Variants in SLC38A6 observed in about 807,000 individuals in gnomAD.
The protein encoded by SLC38A6 is solute carrier family 38 member 6.
Under a neutral mutation model 65.0 loss-of-function variants are expected in SLC38A6, and 73 were observed. The observed-to-expected ratio is 1.12, with a 90% CI of 0.93 to 1.37. SLC38A6 has a LOEUF of 1.37. Among genes scored for constraint, SLC38A6 ranks in the 40% most tolerant of loss-of-function variants. The probability of loss-of-function intolerance (pLI) is 0.00; values close to 1 mark genes in which losing one functional copy is unlikely to be tolerated. For missense variants in SLC38A6, 561 were observed against 531.1 expected (o/e 1.06, Z -0.55); for synonymous variants, 183 against 178.8 (o/e 1.02, Z -0.19).
intron 3 of SLC38A6, among the ~76,000 whole-genome samples, chr14:61,009,788 A>G (rs1292265725): frequency 2.6e-5 from 4 of 152,142 alleles, no homozygotes; most frequent in Non-Finnish European, 5.9e-5. Context: ...TCATTGTTGG[A>G]CATTTAGGTT....
intron 3 of SLC38A6, chr14:60,987,055 A>G (rs769061855): frequency 1.7e-5 from 7 of 419,592 alleles, no homozygotes; most frequent in South Asian, 5.1e-5. Context: ...TCTGTAGCCT[A>G]CTTGGGCCCA....
chr14:60,984,966 A>G (rs912637593), intron 3 of SLC38A6, among the ~76,000 whole-genome samples, 163 bp downstream of exon 3: 16 of 152,172 alleles, frequency 1.1e-4, no homozygotes, highest in African/African-American at 3.6e-4. Flanking sequence ...TACAGACCCA[A>G]TACTGTGGGG....
In SLC38A6 at chr14:61,071,517, A is replaced by G. The variant is rs555845017; in HGVS notation, c.1291-7293A>G. On this transcript the variant is annotated intron_variant, in intron 15 of 16. Coordinates refer to the SLC38A6 transcript ENST00000354886. ...GGCAACATGGCAAATCCCTCTCTCT[A>G]CAAAAAATACAAAAATTAGCCAGGT... 2.0e-5 allele frequency among the ~76,000 whole-genome samples: 3 copies of G among 152,094 alleles called. No individual in the cohort carries two copies. The South Asian group carries it at 6.2e-4, about 32-fold the overall frequency.
At chr14:61,079,801 T>C (rs2140001342) in intron 16 of SLC38A6, among the ~76,000 whole-genome samples, 1 of 152,294 alleles carries the variant, frequency 6.6e-6, no homozygotes, top group Middle Eastern at 3.4e-3. Flanking sequence ...GCAGTATACT[T>C]GGTGAGTGTT....
chr14:61,008,330 A>G (rs1041409386), intron 3 of SLC38A6, among the ~76,000 whole-genome samples: 1 of 152,108 alleles, frequency 6.6e-6, no homozygotes, highest in African/African-American at 2.4e-5. Context: ...AATGATAGGT[A>G]AAGACTGTAT....
At chr14:61,036,951 G>C in intron 6 of SLC38A6, 108 bp from the exon 7 acceptor site, 1 of 592,458 alleles carries the variant, frequency 1.7e-6, no homozygotes, top group Non-Finnish European at 3.0e-6. Context: ...GGTTGTAATG[G>C]TTATAACTCT....
rs2042519167 is a variant in SLC38A6 at position 61,051,781 on chromosome 14, A to T, written c.1051-6A>T. The T allele has an allele frequency of 6.2e-7, 1 of 1,610,740 alleles. No homozygotes were observed. The highest frequency in any genetic ancestry group is 1.1e-5 in the South Asian group (1 of 90,690). On this transcript the variant is annotated splice_region_variant and splice_polypyrimidine_tract_variant and intron_variant, in intron 13 of 15. Transcript: ENST00000267488. ...TTCGCTATATGTTTATTTTTCTGTA[A>T]TACAGGCCAGAAAAGCTGTAACAAT...
chr14:61,066,841 G>A (rs1250893579), intron 15 of SLC38A6, among the ~76,000 whole-genome samples: 1 of 152,120 alleles, frequency 6.6e-6, no homozygotes, highest in Non-Finnish European at 1.5e-5. Flanking sequence ...AGTCAACTGT[G>A]TATATATTTT....
intron 3 of SLC38A6, among the ~76,000 whole-genome samples, chr14:61,014,574 C>T (rs1211336584): frequency 6.6e-6 from 1 of 152,068 alleles, no homozygotes; most frequent in East Asian, 1.9e-4. Context: ...TGTGGATGTC[C>T]TTTCTGTTTG....
At chr14:61,021,061 G>C (rs1263124007) in intron 5 of SLC38A6, among the ~76,000 whole-genome samples, 1 of 151,992 alleles carries the variant, frequency 6.6e-6, no homozygotes, top group Non-Finnish European at 1.5e-5. Flanking sequence ...CTATACTGTA[G>C]CACTTGGCTG....
intron 15 of SLC38A6, among the ~76,000 whole-genome samples, chr14:61,067,308 C>T (rs971485998): frequency 6.6e-6 from 1 of 152,076 alleles, no homozygotes; most frequent in South Asian, 2.1e-4. Context: ...TCGAGTAAGC[C>T]GTTAAGCATT....
rs3215858 is a variant in SLC38A6 at position 61,042,552 on chromosome 14, G to GT, written c.625-587dup. On this transcript the variant is annotated intron_variant, in intron 8 of 15. Transcript: ENST00000267488. ...AGCATCCCTCTGGATTTCTTTTAAT[G>GT]TTTTTTTTGTTTGTTTGTTTGTTTT... Among the ~76,000 whole-genome samples the GT allele has an allele frequency of 8.9e-3, 1,349 of 151,942 alleles. 15 individuals carry two copies. Among genetic ancestry groups the GT allele is most frequent in the African/African-American group, 0.027 (1,099 of 41,454 alleles).
At chr14:61,004,718 C>G (rs192009430) in intron 3 of SLC38A6, 1 of 152,232 alleles carries the variant, frequency 6.6e-6, no homozygotes, top group Non-Finnish European at 1.5e-5. Context: ...CAAAAAGAAT[C>G]CAGGACCAGA....
At position 61,083,509 on chromosome 14, in the gene SLC38A6, G is replaced by A. The variant is rs141868022; in HGVS notation, c.1409-46G>A. ...AAAGAAGTAATTAAATTAAAATGAGGCCATTAAGCCCTAATTCAATGTGAC... is the reference window on the plus strand; with the variant it reads ...AAAGAAGTAATTAAATTAAAATGAGACCATTAAGCCCTAATTCAATGTGAC... On this transcript the variant is annotated intron_variant, in intron 16 of 16. Coordinates refer to the SLC38A6 transcript ENST00000354886. The A allele has an allele frequency of 3.0e-4, 458 of 1,525,086 alleles. 5 individuals carry two copies. The Admixed American group carries it at 5.0e-3, about 17-fold the overall frequency. The allele number at this position is 1,525,086 out of a possible 1,614,324, so 94.5% of individuals were successfully genotyped here.
At chr14:61,036,965 T>C in intron 6 of SLC38A6, 94 bp from the exon 7 acceptor site, 1 of 583,984 alleles carries the variant, frequency 1.7e-6, no homozygotes, top group South Asian at 2.0e-5. Flanking sequence ...TAACTCTGTG[T>C]GTGTGTGTGT....
chr14:60,984,734 TTGC>T lies in SLC38A6; in HGVS notation c.247_249del (p.Leu83del). 6.2e-7 allele frequency: 1 copy of T among 1,614,024 alleles called. No homozygotes were observed. The highest frequency in any genetic ancestry group is 1.1e-5 in the South Asian group (1 of 91,078). ...AGGTGTTCTTTTATGTTTTAGCTTC[TTGC>T]TGCTGACAGTTGCTCTCCTGGCTTC... On this transcript the variant is annotated inframe_deletion, in exon 3 of 16. Coordinates refer to ENST00000267488, the MANE Select transcript of SLC38A6 (RefSeq NM_153811.3).
chr14:61,020,472 C>T (rs1006625947), intron 5 of SLC38A6, among the ~76,000 whole-genome samples: 1 of 152,076 alleles, frequency 6.6e-6, no homozygotes, highest in Admixed American at 6.6e-5. Context: ...AGCTATATCA[C>T]TTTAAGTATT....
chr14:61,062,129 C>T (rs1938081715), intron 15 of SLC38A6, among the ~76,000 whole-genome samples: 1 of 152,140 alleles, frequency 6.6e-6, no homozygotes, highest in African/African-American at 2.4e-5. Context: ...CGATGCCCAG[C>T]CCCTGTGTAG....
chr14:61,052,063 G>T lies in SLC38A6; in HGVS notation c.1218G>T (p.Leu406Phe). 1 of 1,592,988 alleles carries T rather than the reference G, an allele frequency of 6.3e-7. No individual in the cohort carries two copies. The highest frequency in any genetic ancestry group is 8.5e-7 in the Non-Finnish European group (1 of 1,174,630). ...GVVGASTSTC[L>F]IFIFPGLFYL... ...AAGGTGCCAGTACATCAACATGTTTGATTTTTATATTCCCAGGACTATTTT... is the reference window on the plus strand; with the variant it reads ...AAGGTGCCAGTACATCAACATGTTTTATTTTTATATTCCCAGGACTATTTT... The change falls in exon 15 of 16, where the codon TTG (leucine) becomes TTT (phenylalanine). Residue 406 changes from leucine to phenylalanine, a missense_variant. Leu to Phe is a conservative substitution (Grantham distance 22, BLOSUM62 0). Transcript: ENST00000267488.
Sources: allele counts gnomAD v4.1 joint callset (sites outside exome capture counted in the v4.1 genomes callset), GRCh38; gene constraint gnomAD v4.1.1; transcripts MANE v1.5; gene names NCBI Gene and HGNC (gene_info 2026-07-23, HGNC 2026-07-21).